Variants in ACTR3B observed in about 807,000 individuals in gnomAD.
The protein encoded by ACTR3B is actin-related protein 3B.
In ACTR3B, 8 loss-of-function variants were observed where a neutral mutation model predicts 59.0. The observed-to-expected ratio is 0.14, with a 90% CI of 0.08 to 0.24. The LOEUF is 0.24. ACTR3B is among the 10% of genes least tolerant of loss of function. The pLI, the probability that ACTR3B is intolerant of heterozygous loss-of-function variation, is 1.00. For synonymous variants in ACTR3B, 148 were observed against 197.9 expected (o/e 0.75, Z 2.12); for missense variants, 245 against 552.3 (o/e 0.44, Z 5.58).
At chr7:152,794,385 G>T (rs2969827) in intron 2 of ACTR3B, among the ~76,000 whole-genome samples, 120,238 of 150,160 alleles carry the variant, frequency 0.8, 47,630 homozygotes, top group East Asian at 0.88. Context: ...GCCCAGCTAA[G>T]TTTTGTATTT....
intron 2 of ACTR3B, among the ~76,000 whole-genome samples, chr7:152,797,248 A>AT (rs1382782652): frequency 2.0e-5 from 3 of 151,824 alleles, no homozygotes; most frequent in Non-Finnish European, 4.4e-5. Context: ...TGCCTGGCTA[A>AT]TTTTTTAGCT....
intron 2 of ACTR3B, among the ~76,000 whole-genome samples, chr7:152,788,192 A>G (rs1356987466): frequency 6.6e-6 from 1 of 151,276 alleles, no homozygotes; most frequent in Non-Finnish European, 1.5e-5. Flanking sequence ...TCCTGACCTC[A>G]TGATCCTCCT....
chr7:152,779,201 A>AG (rs1341397055), intron 1 of ACTR3B, among the ~76,000 whole-genome samples: 3 of 152,048 alleles, frequency 2.0e-5, no homozygotes, highest in Admixed American at 6.6e-5. Flanking sequence ...CGGGTGAGCG[A>AG]GGGGTGTTAA....
chr7:152,778,823 G>C (rs2098142641), intron 1 of ACTR3B, among the ~76,000 whole-genome samples: 1 of 151,070 alleles, frequency 6.6e-6, no homozygotes, highest in African/African-American at 2.4e-5. Flanking sequence ...TGTGCCTGTG[G>C]TCCCAGCTAC....
chr7:152,849,077 G>A (rs1176753779), intron 9 of ACTR3B, among the ~76,000 whole-genome samples: 1 of 152,196 alleles, frequency 6.6e-6, no homozygotes, highest in Non-Finnish European at 1.5e-5. Context: ...CTCGAGAAAT[G>A]GACGTGACAG....
chr7:152,791,893 A>G (rs181361824), intron 2 of ACTR3B, among the ~76,000 whole-genome samples: 202 of 152,244 alleles, frequency 1.3e-3, no homozygotes, highest in African/African-American at 4.7e-3. Flanking sequence ...CTACTCATAC[A>G]GTGTGTGCCT....
chr7:152,775,690 C>T (rs1394215747), intron 1 of ACTR3B, among the ~76,000 whole-genome samples: 2 of 150,868 alleles, frequency 1.3e-5, no homozygotes, highest in Admixed American at 1.3e-4. Flanking sequence ...ACCCAGGAGG[C>T]GGAGGTTGCA....
chr7:152,788,352 T>G (rs1307116106), intron 2 of ACTR3B, among the ~76,000 whole-genome samples: 1 of 152,100 alleles, frequency 6.6e-6, no homozygotes, highest in Admixed American at 6.5e-5. Flanking sequence ...AGATGGTATA[T>G]GTGTTTTATT....
intron 6 of ACTR3B, among the ~76,000 whole-genome samples, chr7:152,817,159 C>T (rs1356998919): frequency 2.0e-5 from 3 of 151,994 alleles, no homozygotes; most frequent in South Asian, 4.1e-4. Context: ...CCAAGGCGGG[C>T]GGATCACCTG....
chr7:152,794,059 C>T (rs1181442160), intron 2 of ACTR3B, among the ~76,000 whole-genome samples: 2 of 151,888 alleles, frequency 1.3e-5, no homozygotes, highest in Non-Finnish European at 2.9e-5. Context: ...ACTGTTTGGG[C>T]CACATCTTGT....
chr7:152,818,537 G>C (rs902695401), intron 6 of ACTR3B, among the ~76,000 whole-genome samples: 18 of 151,994 alleles, frequency 1.2e-4, no homozygotes, highest in Admixed American at 4.6e-4. Context: ...TGCAACCTCT[G>C]CCTCCCAGGT....
At chr7:152,785,378 A>G (rs369161447) in intron 2 of ACTR3B, among the ~76,000 whole-genome samples, 479 of 3,286 alleles carry the variant, frequency 0.15, 32 homozygotes, top group East Asian at 0.52. Flanking sequence ...GTTTGTTGTG[A>G]GGGGGGGGGG....
At chr7:152,796,672 C>T (rs1211745674) in intron 2 of ACTR3B, among the ~76,000 whole-genome samples, 1 of 114,346 alleles carries the variant, frequency 8.7e-6, no homozygotes, top group East Asian at 3.1e-4. Context: ...ATTAACTTGG[C>T]TGGACTGTTT....
chr7:152,853,514 G>A lies in ACTR3B; in HGVS notation c.1098G>A (p.Gln366=), dbSNP rs745473856. ...GRIKPKPVEV[Q]VVTHHMQRYA... ...TCCAGCCGAAGCCTGTGGAGGTCCA[G>A]GTGGTCACGCATCACATGCAGCGCT... The change falls in exon 11 of 12, where the codon CAG becomes CAA. Residue 366 remains glutamine (Q), a synonymous_variant. Transcript: ENST00000256001. 26 of 1,613,866 alleles carry A rather than the reference G, an allele frequency of 1.6e-5. No individual in the cohort carries two copies. Among genetic ancestry groups the A allele is most frequent in the Non-Finnish European group, 2.1e-5 (25 of 1,179,994 alleles).
intron 2 of ACTR3B, among the ~76,000 whole-genome samples, chr7:152,799,556 A>G (rs2098227961): frequency 6.8e-6 from 1 of 147,054 alleles, no homozygotes; most frequent in African/African-American, 2.7e-5. Flanking sequence ...CACTGGAGAG[A>G]CAGTTAAAGA....
chr7:152,792,437 T>G (rs562266280), intron 2 of ACTR3B, among the ~76,000 whole-genome samples: 1 of 152,162 alleles, frequency 6.6e-6, no homozygotes, highest in South Asian at 2.1e-4. Flanking sequence ...TTTTTAATAT[T>G]TATTTATTTT....
intron 1 of ACTR3B, among the ~76,000 whole-genome samples, chr7:152,782,179 A>C (rs555054820): frequency 2.6e-5 from 4 of 151,654 alleles, no homozygotes; most frequent in Admixed American, 6.6e-5. Flanking sequence ...AATATTAAGC[A>C]TATTGAAATA....
rs756933115 is a variant in ACTR3B, at chr7:152,825,105, C to T, written c.934C>T (p.Arg312Trp). 2.5e-6 allele frequency: 4 copies of T among 1,613,490 alleles called. No individual in the cohort carries two copies. Among genetic ancestry groups the T allele is most frequent in the South Asian group, 1.1e-5 (1 of 91,014 alleles). ...AATACAGAACTGCCCCATCGATGTGCGGCGCCCGCTGTATAAGGTATGAGC... is the reference window on the plus strand; with the variant it reads ...AATACAGAACTGCCCCATCGATGTGTGGCGCCCGCTGTATAAGGTATGAGC... ...EVIQNCPIDV[R>W]RPLYKNVVLS... Residue 312 changes from arginine to tryptophan, a missense_variant, in exon 9 of 12, where the codon CGG (arginine) becomes TGG (tryptophan). Transcript: ENST00000256001.
intron 9 of ACTR3B, among the ~76,000 whole-genome samples, chr7:152,850,910 A>G (rs950721706): frequency 1.3e-5 from 2 of 152,192 alleles, no homozygotes; most frequent in Admixed American, 1.3e-4. Flanking sequence ...AAGAGCTAAC[A>G]TATTTAGAGG....
Sources: allele counts gnomAD v4.1 joint callset (sites outside exome capture counted in the v4.1 genomes callset), GRCh38; gene constraint gnomAD v4.1.1; transcripts MANE v1.5; gene names NCBI Gene and HGNC (gene_info 2026-07-23, HGNC 2026-07-21).